The following IPPK variants were observed in gnomAD, a reference collection of about 807,000 sequenced individuals.
The protein encoded by IPPK is inositol-pentakisphosphate 2-kinase, also known as IPK1 homolog.
A neutral mutation model predicts 64.6 loss-of-function variants in IPPK; 22 were observed. That is an observed-to-expected ratio of 0.34 (90% CI 0.24 to 0.49). IPPK has a LOEUF of 0.49. Among genes scored for constraint, IPPK ranks in the 20% least tolerant of loss-of-function variants. The probability of loss-of-function intolerance (pLI) is 0.99; values close to 1 mark genes in which losing one functional copy is unlikely to be tolerated. For missense variants in IPPK, 532 were observed against 630.7 expected, an observed-to-expected ratio of 0.84 and a Z score of 1.68; for synonymous variants, 262 against 247.2, an observed-to-expected ratio of 1.06 and a Z score of -0.56.
intron 12 of IPPK, chr9:92,618,210 C>T (rs891559329): frequency 8.8e-6 from 4 of 456,442 alleles, no homozygotes; most frequent in Non-Finnish European, 1.8e-5. Flanking sequence ...TTGAGAAAGG[C>T]CTGGCTAGAG....
At chr9:92,630,137 CA>C (rs1851812332) in intron 11 of IPPK, among the ~76,000 whole-genome samples, 1 of 152,142 alleles carries the variant, frequency 6.6e-6, no homozygotes, top group Admixed American at 6.5e-5. Flanking sequence ...AAAGAGGAAA[CA>C]ACCCAAATGT....
At chr9:92,636,062 T>TAGG (rs1851937407) in intron 9 of IPPK, among the ~76,000 whole-genome samples, 1 of 152,186 alleles carries the variant, frequency 6.6e-6, no homozygotes, top group African/African-American at 2.4e-5. Context: ...GTTTGGCACC[T>TAGG]GTGCTGTACA....
Position 92,649,602 on chromosome 9 carries a change from A to G in IPPK, c.293-28T>C, listed in dbSNP as rs759357778. ...GGAAAACAGAGCAAGGGTCACACAG[A>G]GCAAGGTCAGTGAGAGAGATGAGAT... On this transcript the variant is annotated intron_variant, in intron 4 of 12. Coordinates refer to ENST00000287996, the MANE Select transcript of IPPK (RefSeq NM_022755.6). 2.4e-5 allele frequency: 38 copies of G among 1,612,600 alleles called. No homozygotes were observed. The Middle Eastern group carries it at 6.6e-4, about 28-fold the overall frequency.
At chr9:92,660,304 G>A (rs921988805) in intron 1 of IPPK, among the ~76,000 whole-genome samples, 1 of 152,142 alleles carries the variant, frequency 6.6e-6, no homozygotes, top group Non-Finnish European at 1.5e-5. Flanking sequence ...GGTCATGCTT[G>A]AAAATCAACA....
chr9:92,619,526 A>T lies in IPPK; in HGVS notation c.1210T>A (p.Ser404Thr). The T allele has an allele frequency of 6.3e-7, 1 of 1,593,392 alleles. No individual in the cohort carries two copies. Among genetic ancestry groups the T allele is most frequent in the South Asian group, 1.1e-5 (1 of 86,964 alleles). ...CAGGGAGACAGTGCAATCATGATGG[A>T]GCAGTCCTTGGCAGTCATGGCGACG... is the stretch of plus-strand genomic sequence containing the variant. ...YRVAMTAKDC[S>T]IMIALSPCLQ... Residue 404 changes from serine to threonine, a missense_variant, in exon 12 of 13, where the codon TCC (serine) becomes ACC (threonine). Transcript: ENST00000287996.
intron 4 of IPPK, among the ~76,000 whole-genome samples, chr9:92,650,332 AAAAAAC>A (rs892253082): frequency 1.7e-4 from 26 of 152,250 alleles, no homozygotes; most frequent in African/African-American, 5.5e-4. Context: ...ATCTCAAAAA[AAAAAAC>A]AAAAACAAAA....
In IPPK at chr9:92,615,941, C is replaced by A; in HGVS notation, c.1367G>T (p.Gly456Val). 6.2e-7 allele frequency: 1 copy of A among 1,614,084 alleles called. No individual in the cohort carries two copies. The change falls in exon 13 of 13, where the codon GGC becomes GTC. Residue 456 changes from glycine to valine, a missense_variant. Coordinates refer to ENST00000287996, the MANE Select transcript of IPPK (RefSeq NM_022755.6). Reference sequence around the variant, plus strand: ...CTTTGAATAATAGTTGACGATCTTGCCGTCCAGTTTATACTGATGGGGAAT... The same window carrying A: ...CTTTGAATAATAGTTGACGATCTTGACGTCCAGTTTATACTGATGGGGAAT... Reference protein sequence around the residue: ...ESIPHQYKLDGKIVNYYSKTV... With the variant: ...ESIPHQYKLDVKIVNYYSKTV...
chr9:92,634,846 G>C (rs1328155937), intron 10 of IPPK, among the ~76,000 whole-genome samples: 3 of 152,260 alleles, frequency 2.0e-5, no homozygotes, highest in African/African-American at 7.2e-5. Context: ...GGCTGACACA[G>C]AACGACCTGC....
At position 92,635,731 on chromosome 9, in the gene IPPK, A is replaced by G. The variant is rs1416109533; in HGVS notation, c.917-423T>C. Among the ~76,000 whole-genome samples the G allele has an allele frequency of 2.0e-5, 3 of 150,638 alleles. No individual in the cohort carries two copies. Among genetic ancestry groups the G allele is most frequent in the Non-Finnish European group, 3.0e-5 (2 of 67,698 alleles). Reference sequence around the variant, plus strand: ...TTTTCTTTTCTTTTTTTTTTTTGAGACAGAGTCTTGCTCTCTGTGGCCCAG... The same window carrying G: ...TTTTCTTTTCTTTTTTTTTTTTGAGGCAGAGTCTTGCTCTCTGTGGCCCAG... On this transcript the variant is annotated intron_variant, in intron 9 of 12. Transcript: ENST00000287996. The surrounding 1 kb of genome is among the most constrained non-coding windows in gnomAD (Gnocchi z 4.4).
chr9:92,639,632 A>G (rs553691641), intron 8 of IPPK, among the ~76,000 whole-genome samples: 2 of 152,346 alleles, frequency 1.3e-5, no homozygotes, highest in South Asian at 4.1e-4. Flanking sequence ...GGGTCAGAAA[A>G]GGATCCACCT....
At chr9:92,623,132 T>A (rs1238496292) in intron 11 of IPPK, among the ~76,000 whole-genome samples, 1 of 152,006 alleles carries the variant, frequency 6.6e-6, no homozygotes, top group East Asian at 1.9e-4. Flanking sequence ...TTATAAGGAC[T>A]CCATTAAGAA....
At chr9:92,643,017 A>G (rs1852082331) in intron 6 of IPPK, among the ~76,000 whole-genome samples, 1 of 152,252 alleles carries the variant, frequency 6.6e-6, no homozygotes, top group South Asian at 2.1e-4. Context: ...CCTTGGCCCC[A>G]TCTGTGAGAC....
rs372295111 is a variant in IPPK, at chr9:92,635,357, C to T, written c.917-49G>A. ...CGAGAGCATGTTGATTATCAAAGAA[C>T]GTGGAGGGAGACACAGGCCGGCGCA... On this transcript the variant is annotated intron_variant, in intron 9 of 12. Coordinates refer to ENST00000287996, the MANE Select transcript of IPPK (RefSeq NM_022755.6). The surrounding 1 kb of genome is among the most constrained non-coding windows in gnomAD (Gnocchi z 4.4). The T allele has an allele frequency of 2.4e-5, 38 of 1,583,618 alleles. No individual in the cohort carries two copies. The Middle Eastern group carries it at 5.1e-4, about 21-fold the overall frequency.
chr9:92,652,230 A>G (rs1347975415), intron 4 of IPPK, among the ~76,000 whole-genome samples: 1 of 152,034 alleles, frequency 6.6e-6, no homozygotes, highest in Non-Finnish European at 1.5e-5. Flanking sequence ...TGGGTGGATC[A>G]CGAGGTCAGG....
chr9:92,623,557 T>C (rs1463797749), intron 11 of IPPK, among the ~76,000 whole-genome samples: 2 of 151,208 alleles, frequency 1.3e-5, no homozygotes, highest in East Asian at 1.9e-4. Context: ...TTCAAATCAA[T>C]AAGAAAAAGA....
Position 92,640,775 on chromosome 9 carries a change from GT to G in IPPK, c.570del (p.Lys190AsnfsTer8). 1 of 1,610,594 alleles carries G rather than the reference GT, an allele frequency of 6.2e-7. No homozygotes were observed. Among genetic ancestry groups the G allele is most frequent in the Non-Finnish European group, 8.5e-7 (1 of 1,176,810 alleles). On this transcript the variant is annotated frameshift_variant, in exon 8 of 13. Transcript: ENST00000287996. LOFTEE classifies it high-confidence loss of function. Reference sequence around the variant, plus strand: ...CTCTTCAAGGCAAAGTGCATTCTCTGTTTGTTTCTAAAAGGGAAAAGCATTA... The same window carrying G: ...CTCTTCAAGGCAAAGTGCATTCTCTGTTGTTTCTAAAAGGGAAAAGCATTA... ...YCPLDLYSGN[K>X]QRMHFALKSL...
intron 1 of IPPK, among the ~76,000 whole-genome samples, chr9:92,665,814 CA>C (rs201137424): frequency 1.9e-4 from 28 of 151,138 alleles, no homozygotes; most frequent in African/African-American, 5.3e-4. Flanking sequence ...TGCTGTATGG[CA>C]AAAAAAATAC....
chr9:92,627,904 A>C (rs773552151), intron 11 of IPPK, among the ~76,000 whole-genome samples: 26 of 152,174 alleles, frequency 1.7e-4, no homozygotes, highest in Non-Finnish European at 3.5e-4. Context: ...AAGAAGCAAA[A>C]CTATTTCTAC....
chr9:92,634,839 T>A (rs569913170), intron 10 of IPPK, among the ~76,000 whole-genome samples: 22 of 152,352 alleles, frequency 1.4e-4, no homozygotes, highest in Non-Finnish European at 2.8e-4. Flanking sequence ...GAGGCTGGGC[T>A]GACACAGAAC....
Sources: gnomAD v4.1 joint callset for allele counts (sites outside exome capture counted in the v4.1 genomes callset) on GRCh38, gnomAD v4.1.1 for gene constraint, Gnocchi (gnomAD v3.1) non-coding constraint, MANE v1.5 for transcripts, NCBI Gene and HGNC (gene_info 2026-07-23, HGNC 2026-07-21) for gene names.